Variants in EPHA5 observed in about 807,000 individuals in gnomAD.
EPHA5 encodes ephrin type-A receptor 5.
In EPHA5, 60 loss-of-function variants were observed where a neutral mutation model predicts 105.0. The observed-to-expected ratio is 0.57, with a 90% CI of 0.46 to 0.71. The LOEUF is 0.71. Ranked by LOEUF, EPHA5 falls within the 30% of genes least tolerant of loss-of-function variation. EPHA5 has a pLI of 0.00. For missense variants in EPHA5, 1,218 were observed against 1,274.7 expected (o/e 0.96, Z 0.68); for synonymous variants, 513 against 449.1 (o/e 1.14, Z -1.80).
intron 11 of EPHA5, among the ~76,000 whole-genome samples, chr4:65,356,445 C>T (rs1039381788): frequency 6.6e-6 from 1 of 151,388 alleles, no homozygotes; most frequent in South Asian, 2.1e-4. Flanking sequence ...AGAGAATGTG[C>T]TGATCAGACA....
At chr4:65,533,342 G>A (rs1736001359) in intron 3 of EPHA5, among the ~76,000 whole-genome samples, 1 of 151,742 alleles carries the variant, frequency 6.6e-6, no homozygotes, top group South Asian at 2.1e-4. Context: ...ATTTTTTTGT[G>A]CCATGACTAA....
chr4:65,511,755 T>G (rs919137184), intron 3 of EPHA5, among the ~76,000 whole-genome samples: 2 of 152,214 alleles, frequency 1.3e-5, no homozygotes, highest in East Asian at 3.8e-4. Flanking sequence ...TCATAGAACA[T>G]CTTTTAATAT....
chr4:65,357,556 C>T (rs1028186793), intron 11 of EPHA5, among the ~76,000 whole-genome samples: 3 of 151,422 alleles, frequency 2.0e-5, no homozygotes, highest in Non-Finnish European at 3.0e-5. Flanking sequence ...TCATTACCCA[C>T]ATATGATCCA....
intron 1 of EPHA5, among the ~76,000 whole-genome samples, chr4:65,646,362 G>A (rs7683361): frequency 0.25 from 37,808 of 152,090 alleles, 5,606 homozygotes; most frequent in Middle Eastern, 0.4. Flanking sequence ...AATCTGGTCA[G>A]TGGAAAGATC....
intron 8 of EPHA5, among the ~76,000 whole-genome samples, chr4:65,383,825 T>A (rs1355797546): frequency 6.6e-6 from 1 of 151,120 alleles, no homozygotes; most frequent in Non-Finnish European, 1.5e-5. Flanking sequence ...GTTTTAAAAT[T>A]TTTGAATGCC....
intron 15 of EPHA5, among the ~76,000 whole-genome samples, chr4:65,335,616 C>T (rs114985212): frequency 0.083 from 12,648 of 151,736 alleles, 594 homozygotes; most frequent in Middle Eastern, 0.14. Flanking sequence ...ATTCCTCCTC[C>T]TCACCTATCC....
chr4:65,586,534 T>C (rs1406044431), intron 3 of EPHA5, among the ~76,000 whole-genome samples: 2 of 151,938 alleles, frequency 1.3e-5, no homozygotes, highest in Non-Finnish European at 2.9e-5. Context: ...TCTCTATCCT[T>C]GTCTTTTTAC....
chr4:65,436,263 C>T (rs1725472173), intron 5 of EPHA5, among the ~76,000 whole-genome samples: 1 of 151,892 alleles, frequency 6.6e-6, no homozygotes, highest in African/African-American at 2.4e-5. Flanking sequence ...GATTTGTATT[C>T]TTAAGACAGT....
chr4:65,615,514 T>C (rs2149466334), intron 2 of EPHA5, among the ~76,000 whole-genome samples: 1 of 151,914 alleles, frequency 6.6e-6, no homozygotes, highest in Admixed American at 6.6e-5. Flanking sequence ...AGAAAAACAA[T>C]ACTATCAACC....
chr4:65,495,466 C>T lies in EPHA5; in HGVS notation c.988G>A (p.Glu330Lys), dbSNP rs56205382. 7 of 1,613,774 alleles carry T rather than the reference C, an allele frequency of 4.3e-6. No homozygotes were observed. Among genetic ancestry groups the T allele is most frequent in the Admixed American group, 1.7e-5 (1 of 59,960 alleles). The change falls in exon 4 of 17, where the codon GAG becomes AAG. Residue 330 changes from glutamate to lysine, a missense_variant. Transcript: ENST00000613740. ...CAGACACAAGAGGTTGAAGCTTCCT[C>T]ATGGGTATAACTGTGAGGTGGACAT... is the stretch of plus-strand genomic sequence containing the variant. ...GKCPPHSYTH[E>K]EASTSCVCEK...
At chr4:65,401,858 T>C (rs762875930) in intron 8 of EPHA5, among the ~76,000 whole-genome samples, 17 of 151,912 alleles carry the variant, frequency 1.1e-4, no homozygotes, top group Non-Finnish European at 2.1e-4. Context: ...TCATTGTTCT[T>C]GAACAGCAAT....
At chr4:65,473,523 C>CAG (rs1729493724) in intron 5 of EPHA5, among the ~76,000 whole-genome samples, 1 of 152,106 alleles carries the variant, frequency 6.6e-6, no homozygotes, top group African/African-American at 2.4e-5. Flanking sequence ...ACAGGCAAAA[C>CAG]AGAGAGAGAG....
At chr4:65,589,194 C>A (rs1284268103) in intron 3 of EPHA5, among the ~76,000 whole-genome samples, 1 of 152,012 alleles carries the variant, frequency 6.6e-6, no homozygotes, top group Non-Finnish European at 1.5e-5. Flanking sequence ...TGAAGGAAAT[C>A]CAACTAAAAC....
intron 3 of EPHA5, among the ~76,000 whole-genome samples, chr4:65,517,000 G>A (rs147171931): frequency 6.6e-6 from 1 of 152,038 alleles, no homozygotes; most frequent in Non-Finnish European, 1.5e-5. Context: ...TTATAATATT[G>A]CTCAGATCTA....
chr4:65,417,791 C>G (rs151066938), intron 6 of EPHA5, among the ~76,000 whole-genome samples: 109 of 152,136 alleles, frequency 7.2e-4, no homozygotes, highest in African/African-American at 2.4e-3. Flanking sequence ...AAACTCCTCC[C>G]TACCACTTGT....
rs1354119616 is a variant in EPHA5, at chr4:65,564,998, AC to A, written c.910+36642del. ...TATAATTTCCACTTATTCATTACAT[AC>A]AATCTATTAATAAATATTATACAGT... On this transcript the variant is annotated intron_variant, in intron 3 of 16. Coordinates refer to ENST00000613740, the MANE Select transcript of EPHA5 (RefSeq NM_001281766.3). 3.3e-5 allele frequency among the ~76,000 whole-genome samples: 5 copies of A among 151,738 alleles called. No homozygotes were observed. In the East Asian group the frequency reaches 9.6e-4, roughly 29 times the overall value.
At chr4:65,663,498 A>T (rs980322406) in intron 1 of EPHA5, among the ~76,000 whole-genome samples, 4 of 152,072 alleles carry the variant, frequency 2.6e-5, no homozygotes, top group African/African-American at 7.2e-5. Context: ...AAGACCTTCA[A>T]TTACTACAAA....
chr4:65,612,571 T>C (rs1351861711), intron 2 of EPHA5, among the ~76,000 whole-genome samples: 1 of 152,204 alleles, frequency 6.6e-6, no homozygotes. Context: ...CCAATCATCC[T>C]TTGATGAACA....
intron 15 of EPHA5, among the ~76,000 whole-genome samples, chr4:65,333,522 CGTGTGA>C (rs1225113187): frequency 8.0e-6 from 1 of 125,102 alleles, no homozygotes; most frequent in Admixed American, 8.5e-5. Flanking sequence ...TGTGCGTGTG[CGTGTGA>C]GAGTGTGTGT....
Sources: gnomAD v4.1 joint callset for allele counts (sites outside exome capture counted in the v4.1 genomes callset) on GRCh38, gnomAD v4.1.1 for gene constraint, MANE v1.5 for transcripts, NCBI Gene and HGNC (gene_info 2026-07-23, HGNC 2026-07-21) for gene names.